The following NLGN1 variants were observed in gnomAD, a reference collection of about 807,000 sequenced individuals.
The protein encoded by NLGN1 is neuroligin 1.
NLGN1 carries 12 observed loss-of-function variants against 65.5 expected under a neutral mutation model. The ratio of observed to expected loss-of-function variants is 0.18; its 90% CI spans 0.12 to 0.30. The LOEUF (loss-of-function observed/expected upper bound fraction) is 0.30. Ranked by LOEUF, NLGN1 falls within the 10% of genes least tolerant of loss-of-function variation. The pLI is 1.00. For missense variants in NLGN1, 750 were observed against 1,007.1 expected (o/e 0.74, Z 3.46); for synonymous variants, 350 against 359.5 (o/e 0.97, Z 0.30).
At chr3:173,548,050 C>T (rs1019914727) in intron 2 of NLGN1, among the ~76,000 whole-genome samples, 6 of 152,052 alleles carry the variant, frequency 3.9e-5, no homozygotes, top group African/African-American at 1.4e-4. Flanking sequence ...TTTACTTACG[C>T]ATTTACTTCT....
chr3:173,531,564 T>TACACACAC (rs147720926), intron 2 of NLGN1, among the ~76,000 whole-genome samples: 7,030 of 148,188 alleles, frequency 0.047, 375 homozygotes, highest in African/African-American at 0.12. Context: ...CTGTGTGAAA[T>TACACACAC]ACACACACAC....
At chr3:173,842,577 A>G (rs1724990448) in intron 4 of NLGN1, among the ~76,000 whole-genome samples, 1 of 152,212 alleles carries the variant, frequency 6.6e-6, no homozygotes, top group South Asian at 2.1e-4. Context: ...CAAAGGAACT[A>G]CAGGCTTCAT....
At chr3:173,937,941 A>G (rs530853677) in intron 4 of NLGN1, among the ~76,000 whole-genome samples, 25 of 152,310 alleles carry the variant, frequency 1.6e-4, no homozygotes, top group Middle Eastern at 3.4e-3. Flanking sequence ...TGACCCAATA[A>G]TGTAGTTGTT....
intron 4 of NLGN1, among the ~76,000 whole-genome samples, chr3:174,243,511 C>G (rs1024073938): frequency 6.6e-5 from 10 of 152,144 alleles, no homozygotes; most frequent in African/African-American, 2.2e-4. Flanking sequence ...TTAACTAGGT[C>G]TCTATGCTTC....
At chr3:173,712,498 C>A (rs879269514) in intron 3 of NLGN1, among the ~76,000 whole-genome samples, 10 of 152,118 alleles carry the variant, frequency 6.6e-5, no homozygotes, top group Middle Eastern at 3.2e-3. Flanking sequence ...CAGATTCTGG[C>A]TCTGCCACTG....
At chr3:173,496,702 T>A (rs938512739) in intron 2 of NLGN1, among the ~76,000 whole-genome samples, 8 of 151,860 alleles carry the variant, frequency 5.3e-5, no homozygotes, top group Non-Finnish European at 1.2e-4. Context: ...GGATTTTTCT[T>A]AATGAGAATA....
chr3:174,073,679 G>A (rs530375443), intron 4 of NLGN1, among the ~76,000 whole-genome samples: 107 of 152,096 alleles, frequency 7.0e-4, no homozygotes, highest in African/African-American at 2.2e-3. Flanking sequence ...TTCTAAATTC[G>A]TGCTAATCAG....
intron 4 of NLGN1, among the ~76,000 whole-genome samples, chr3:173,895,898 C>T (rs976206568): frequency 6.6e-6 from 1 of 152,116 alleles, no homozygotes; most frequent in African/African-American, 2.4e-5. Context: ...CCGTGTTGGT[C>T]AGGCTGGTCT....
rs533876805 is a variant in NLGN1, at chr3:173,581,250, C to A, written c.-320-23029C>A. Among the ~76,000 whole-genome samples the A allele has an allele frequency of 2.2e-4, 33 of 152,110 alleles. No homozygotes were observed. The East Asian group carries it at 6.4e-3, about 29-fold the overall frequency. The stretch of plus-strand genomic sequence containing the variant: ...ATGCCTTTTCTAATATTTGGTATCT[C>A]TTTTGCATGGATTATGAAATATAAT... On this transcript the variant is annotated intron_variant, in intron 2 of 6. Coordinates refer to ENST00000457714, the Ensembl canonical transcript of NLGN1.
intron 2 of NLGN1, among the ~76,000 whole-genome samples, chr3:173,581,709 T>TA: frequency 6.6e-6 from 1 of 152,084 alleles, no homozygotes; most frequent in South Asian, 2.1e-4. Context: ...AATCTCCATA[T>TA]AAAAAGCACA....
intron 3 of NLGN1, among the ~76,000 whole-genome samples, chr3:173,705,663 G>A (rs1767938336): frequency 6.6e-6 from 1 of 151,916 alleles, no homozygotes; most frequent in African/African-American, 2.4e-5. Context: ...CGAAAGTTTT[G>A]TTTTAAATAA....
At chr3:173,669,188 CAGTG>C (rs1249336259) in intron 3 of NLGN1, among the ~76,000 whole-genome samples, 1 of 152,138 alleles carries the variant, frequency 6.6e-6, no homozygotes, top group African/African-American at 2.4e-5. Flanking sequence ...CTTGAAGAGA[CAGTG>C]AGACTTGTTA....
At chr3:174,211,619 G>A (rs1000394288) in intron 4 of NLGN1, among the ~76,000 whole-genome samples, 17 of 151,450 alleles carry the variant, frequency 1.1e-4, no homozygotes, top group Non-Finnish European at 1.3e-4. Flanking sequence ...ACAGAGTGTC[G>A]ATTGGTGCAC....
chr3:173,630,498 C>T (rs570614271), intron 3 of NLGN1, among the ~76,000 whole-genome samples: 124 of 152,104 alleles, frequency 8.2e-4, no homozygotes, highest in African/African-American at 2.9e-3. Flanking sequence ...CAGTGTTCTG[C>T]ATTTCCCTAA....
chr3:173,892,174 AG>A (rs988364533), intron 4 of NLGN1, among the ~76,000 whole-genome samples: 2 of 149,962 alleles, frequency 1.3e-5, no homozygotes, highest in Non-Finnish European at 3.0e-5. Context: ...CGTATATTTA[AG>A]GTTTTTTTTT....
At chr3:174,118,862 G>A (rs1717145607) in intron 4 of NLGN1, among the ~76,000 whole-genome samples, 2 of 152,060 alleles carry the variant, frequency 1.3e-5, no homozygotes, top group Non-Finnish European at 2.9e-5. Flanking sequence ...TTGCACCCTT[G>A]ACTTGTACAG....
rs377249105 is a variant in NLGN1, at chr3:173,750,269, T to G, written c.494-57411T>G. On this transcript the variant is annotated intron_variant, in intron 3 of 6. Transcript: ENST00000457714. The stretch of plus-strand genomic sequence containing the variant: ...AGCCTTTTTCATGTTGTCCAGGCTA[T>G]GTGACTGTATTTTACTTCGTGTTAG... Among the ~76,000 whole-genome samples, 18 of 152,228 alleles carry G rather than the reference T, an allele frequency of 1.2e-4. No homozygotes were observed. The South Asian group carries it at 3.7e-3, about 32-fold the overall frequency.
intron 3 of NLGN1, among the ~76,000 whole-genome samples, chr3:173,801,200 G>A (rs1444170802): frequency 2.0e-5 from 3 of 151,888 alleles, no homozygotes; most frequent in African/African-American, 4.8e-5. Context: ...ATACAATTCT[G>A]ATTTACTCTG....
At chr3:173,863,906 T>A (rs1474218962) in intron 4 of NLGN1, among the ~76,000 whole-genome samples, 1 of 152,204 alleles carries the variant, frequency 6.6e-6, no homozygotes. Flanking sequence ...GAAAAAGTGA[T>A]CAATCTATTG....
Sources: allele counts gnomAD v4.1 joint callset (sites outside exome capture counted in the v4.1 genomes callset), GRCh38; gene constraint gnomAD v4.1.1; transcripts MANE v1.5; gene names NCBI Gene and HGNC (gene_info 2026-07-23, HGNC 2026-07-21).